CTNNA2: variants seen among roughly 807,000 people sequenced by gnomAD.
CTNNA2 encodes catenin alpha-2.
Under a neutral mutation model 101.0 loss-of-function variants are expected in CTNNA2, and 42 were observed. The ratio of observed to expected loss-of-function variants is 0.42; its 90% CI spans 0.32 to 0.54. The LOEUF is 0.54. Among genes scored for constraint, CTNNA2 ranks in the 20% least tolerant of loss-of-function variants. The pLI, the probability that CTNNA2 is intolerant of heterozygous loss-of-function variation, is 0.14. For missense variants in CTNNA2, 871 were observed against 1,223.1 expected, an observed-to-expected ratio of 0.71 and a Z score of 4.29; for synonymous variants, 450 against 456.4, an observed-to-expected ratio of 0.99 and a Z score of 0.18.
intron 6 of CTNNA2, among the ~76,000 whole-genome samples, chr2:79,887,448 T>C (rs1683967052): frequency 6.6e-6 from 1 of 152,208 alleles, no homozygotes; most frequent in African/African-American, 2.4e-5. Context: ...TTTGGAAAAT[T>C]TGATGTTTTT....
rs539689400 is a variant in CTNNA2 at position 79,483,236 on chromosome 2, G to C, written c.-134-21818G>C. ...AACTTTTAAAGCTCCTCAAAGAAAT[G>C]ACATCCATCTCCCCATCTACATTTC... On this transcript the variant is annotated intron_variant, in intron 4 of 21. Transcript: ENST00000466387. Among the ~76,000 whole-genome samples the C allele has an allele frequency of 9.9e-5, 15 of 152,268 alleles. 1 individual carries two copies. The South Asian group carries it at 3.1e-3, about 32-fold the overall frequency.
chr2:79,723,184 A>G (rs1233487516), intron 2 of CTNNA2, among the ~76,000 whole-genome samples: 1 of 150,692 alleles, frequency 6.6e-6, no homozygotes, highest in Non-Finnish European at 1.5e-5. Flanking sequence ...AGTTCATCTC[A>G]CTACTCCTGC....
chr2:79,827,188 G>A (rs1025454503), intron 3 of CTNNA2, among the ~76,000 whole-genome samples: 1 of 151,862 alleles, frequency 6.6e-6, no homozygotes, highest in Non-Finnish European at 1.5e-5. Context: ...ACAGGCGCCC[G>A]CCACCACGCC....
intron 13 of CTNNA2, chr2:80,579,257 T>C (rs1381807600): frequency 6.6e-6 from 1 of 152,208 alleles, no homozygotes; most frequent in Non-Finnish European, 1.5e-5. Context: ...TTATTAGCCT[T>C]ATGCTGCCAG....
At chr2:79,874,424 T>A in intron 6 of CTNNA2, 82 bp downstream of exon 6, 2 of 1,417,912 alleles carry the variant, frequency 1.4e-6, no homozygotes, top group Non-Finnish European at 1.9e-6. Context: ...GAAGGGCCAC[T>A]ACAATAATTT....
chr2:80,424,499 G>A (rs1341222257), intron 9 of CTNNA2, among the ~76,000 whole-genome samples: 1 of 152,136 alleles, frequency 6.6e-6, no homozygotes, highest in African/African-American at 2.4e-5. Flanking sequence ...ACATGTGTGT[G>A]GACAGATATA....
chr2:79,417,629 G>T (rs1267834205), intron 4 of CTNNA2, among the ~76,000 whole-genome samples: 1 of 152,036 alleles, frequency 6.6e-6, no homozygotes, highest in Non-Finnish European at 1.5e-5. Flanking sequence ...TCTCTCTTCA[G>T]AATTAAGTCT....
intron 9 of CTNNA2, among the ~76,000 whole-genome samples, chr2:80,485,261 A>ATTCATCCTT (rs1686480192): frequency 6.6e-6 from 1 of 152,198 alleles, no homozygotes. Context: ...AAGTGACATC[A>ATTCATCCTT]TTCATCCTTT....
At chr2:79,700,034 T>C (rs1052059878) in intron 2 of CTNNA2, among the ~76,000 whole-genome samples, 1 of 150,988 alleles carries the variant, frequency 6.6e-6, no homozygotes, top group Non-Finnish European at 1.5e-5. Context: ...ATTCAGGAGG[T>C]ATTTGGTTTT....
At chr2:80,536,985 C>T (rs979722600) in intron 9 of CTNNA2, among the ~76,000 whole-genome samples, 2 of 152,168 alleles carry the variant, frequency 1.3e-5, no homozygotes, top group Admixed American at 1.3e-4. Context: ...TATACATGTG[C>T]CATGGTGGTT....
intron 2 of CTNNA2, chr2:79,697,836 T>G (rs1204878079): frequency 2.0e-5 from 3 of 152,036 alleles, no homozygotes; most frequent in Admixed American, 6.6e-5. Flanking sequence ...CAAATAGATT[T>G]TCTTCATAAT....
chr2:80,079,768 T>C (rs532763510), intron 7 of CTNNA2, among the ~76,000 whole-genome samples: 4,907 of 149,894 alleles, frequency 0.033, 272 homozygotes, highest in African/African-American at 0.11. Context: ...GAGCCGGGAT[T>C]GCGCCACTGC....
At chr2:79,837,837 A>C (rs967012381) in intron 3 of CTNNA2, among the ~76,000 whole-genome samples, 2 of 152,184 alleles carry the variant, frequency 1.3e-5, no homozygotes, top group African/African-American at 4.8e-5. Flanking sequence ...GGAAAATAAC[A>C]CAACTCCAAA....
At chr2:79,896,340 A>G (rs981918582) in intron 6 of CTNNA2, among the ~76,000 whole-genome samples, 2 of 152,078 alleles carry the variant, frequency 1.3e-5, no homozygotes, top group Non-Finnish European at 2.9e-5. Flanking sequence ...ACTCATCCCC[A>G]TTCCAATAAT....
rs144746440 is a variant in CTNNA2, at chr2:80,386,959, A to G, written c.1057-6252A>G. On this transcript the variant is annotated intron_variant, in intron 7 of 18. Transcript: ENST00000402739. ...GTCGATTTATATTCCCAGGGCTTCC[A>G]TGAGAGACCCCCCAGAACTGGATTA... Among the ~76,000 whole-genome samples the G allele has an allele frequency of 4.6e-5, 7 of 152,284 alleles. No individual in the cohort carries two copies. In the East Asian group the frequency reaches 1.2e-3, roughly 25 times the overall value.
chr2:79,634,811 G>T (rs1242805080), intron 1 of CTNNA2: 3 of 152,288 alleles, frequency 2.0e-5, no homozygotes. Context: ...GAGAATATGG[G>T]ATGTCTGGAG....
intron 9 of CTNNA2, among the ~76,000 whole-genome samples, chr2:80,514,253 C>T (rs1688929311): frequency 6.6e-6 from 1 of 152,154 alleles, no homozygotes; most frequent in African/African-American, 2.4e-5. Flanking sequence ...CAGGATCCAG[C>T]TGTCCACTTT....
intron 4 of CTNNA2, among the ~76,000 whole-genome samples, chr2:79,440,507 G>C (rs910577468): frequency 6.6e-6 from 1 of 152,104 alleles, no homozygotes; most frequent in African/African-American, 2.4e-5. Flanking sequence ...GATATGCTAT[G>C]TTTGCTTGTT....
At chr2:80,617,228 T>G (rs188353610) in intron 17 of CTNNA2, among the ~76,000 whole-genome samples, 8 of 151,804 alleles carry the variant, frequency 5.3e-5, no homozygotes, top group African/African-American at 1.7e-4. Flanking sequence ...GAAATTGTGC[T>G]AAGTGACTAA....
Sources: allele counts gnomAD v4.1 joint callset (sites outside exome capture counted in the v4.1 genomes callset), GRCh38; gene constraint gnomAD v4.1.1; transcripts MANE v1.5; gene names NCBI Gene and HGNC (gene_info 2026-07-23, HGNC 2026-07-21).